The following SMG5 variants were observed in gnomAD, a reference collection of about 807,000 sequenced individuals.
SMG5 encodes the protein SMG5 nonsense mediated mRNA decay factor, also known as nonsense-mediated mRNA decay factor SMG5.
SMG5 carries 53 observed loss-of-function variants against 122.9 expected under a neutral mutation model. The observed-to-expected ratio is 0.43, with a 90% CI of 0.35 to 0.54. The LOEUF (loss-of-function observed/expected upper bound fraction) is 0.54, where lower values mean the gene tolerates loss of function less well. Ranked by LOEUF, SMG5 falls within the 20% of genes least tolerant of loss-of-function variation. The probability of loss-of-function intolerance (pLI) is 0.01; values close to 1 mark genes in which losing one functional copy is unlikely to be tolerated. For missense variants in SMG5, 1,153 were observed against 1,285.6 expected (o/e 0.90, Z 1.58); for synonymous variants, 477 against 490.2 (o/e 0.97, Z 0.35).
At chr1:156,291,416 C>T in the SMG5 span, 2 of 1,614,100 alleles carry the variant, frequency 1.2e-6, no homozygotes, top group Non-Finnish European at 1.7e-6. Flanking sequence ...TGCCGTGGGC[C>T]GCTCCTTCCG....
the SMG5 span, among the ~76,000 whole-genome samples, chr1:156,289,781 ATCCT>A: frequency 3.9e-5 from 6 of 152,326 alleles, no homozygotes; most frequent in Admixed American, 1.3e-4. Flanking sequence ...TTAAGAAGTG[ATCCT>A]TCATATATTA....
the SMG5 span, chr1:156,291,241 T>TTAAA: frequency 3.0e-6 from 2 of 664,436 alleles, no homozygotes; most frequent in South Asian, 1.8e-5. Flanking sequence ...GTTAAGTGCA[T>TTAAA]AAACTTTGGC....
intron 6 of SMG5, 135 bp from the exon 7 acceptor site, chr1:156,272,533 G>A: frequency 1.5e-6 from 1 of 667,410 alleles, no homozygotes; most frequent in Non-Finnish European, 2.6e-6. Flanking sequence ...TGTCTCAGGT[G>A]ATTAGCAGCT....
At chr1:156,259,932 A>C (rs1661744195) in intron 15 of SMG5, among the ~76,000 whole-genome samples, 1 of 152,160 alleles carries the variant, frequency 6.6e-6, no homozygotes, top group Admixed American at 6.6e-5. Context: ...CTCTGGTTGG[A>C]GGGAGCAGCC....
chr1:156,275,250 A>G (rs981191794), intron 4 of SMG5, among the ~76,000 whole-genome samples: 2 of 152,182 alleles, frequency 1.3e-5, no homozygotes, highest in African/African-American at 4.8e-5. Context: ...CAGAGAAGGC[A>G]GCCTACTGGA....
chr1:156,252,890 C>T (rs1255388475), intron 18 of SMG5, 29 bp downstream of exon 18: 2 of 1,525,016 alleles, frequency 1.3e-6, no homozygotes, highest in East Asian at 2.3e-5. Flanking sequence ...TAGTCATACT[C>T]TGTCTCCTTA....
intron 21 of SMG5, 78 bp downstream of exon 21, chr1:156,250,780 T>C (rs901416863): frequency 1.2e-6 from 2 of 1,605,298 alleles, no homozygotes; most frequent in Non-Finnish European, 1.7e-6. Flanking sequence ...GGTAGCTATG[T>C]GGAGGGTCTG....
At position 156,268,288 on chromosome 1, in the gene SMG5, A is replaced by G; in HGVS notation, c.839+2T>C. 1 of 1,614,024 alleles carries G rather than the reference A, an allele frequency of 6.2e-7. No homozygotes were observed. Among genetic ancestry groups the G allele is most frequent in the East Asian group, 2.2e-5 (1 of 44,882 alleles). On this transcript the variant is annotated splice_donor_variant, in intron 8 of 21. Coordinates refer to ENST00000361813, the MANE Select transcript of SMG5 (RefSeq NM_015327.3). LOFTEE classifies it high-confidence loss of function. ...CCCGTCCTCCTCACAGGCCCCACTC[A>G]CCGCTTTTTGCCAGGAGACAGTTTC...
Position 156,265,803 on chromosome 1 carries a change from A to C in SMG5, c.1833T>G (p.Asp611Glu). 1 of 1,614,004 alleles carries C rather than the reference A, an allele frequency of 6.2e-7. No homozygotes were observed. Among genetic ancestry groups the C allele is most frequent in the Non-Finnish European group, 8.5e-7 (1 of 1,179,920 alleles). The change falls in exon 12 of 22, where the codon GAT becomes GAG. Residue 611 changes from aspartate to glutamate, a missense_variant. Around this residue, in one of 5 missense-constraint regions of SMG5, gnomAD observed 631 missense variants for 650.6 expected, o/e 0.97. Coordinates refer to ENST00000361813, the MANE Select transcript of SMG5 (RefSeq NM_015327.3). ...TACCTGGCTCTGAAGGCTTGTCTAC[A>C]TCCCCATTGACGCAAGGCCTGTGGC... is the stretch of plus-strand genomic sequence containing the variant. The part of the protein sequence containing the change: ...SASHRPCVNG[D>E]VDKPSEPASE...
intron 3 of SMG5, 117 bp downstream of exon 3, chr1:156,277,808 A>T: frequency 7.2e-7 from 1 of 1,379,334 alleles, no homozygotes; most frequent in Non-Finnish European, 1.0e-6. Flanking sequence ...CACCGTGCCC[A>T]GCCTCTTACT....
At chr1:156,280,800 T>C (rs1014965585) in intron 1 of SMG5, among the ~76,000 whole-genome samples, 1 of 152,210 alleles carries the variant, frequency 6.6e-6, no homozygotes, top group African/African-American at 2.4e-5. Flanking sequence ...CACTAAACTA[T>C]AATCTCTCTT....
At chr1:156,252,212 T>C (rs1479654797) in intron 19 of SMG5, among the ~76,000 whole-genome samples, 1 of 152,192 alleles carries the variant, frequency 6.6e-6, no homozygotes, top group African/African-American at 2.4e-5. Context: ...CCTGATCCCT[T>C]TGGTCACCCT....
chr1:156,256,310 CTTTTTTTT>C (rs533116327), intron 16 of SMG5, among the ~76,000 whole-genome samples: 1,700 of 86,972 alleles, frequency 0.02, 34 homozygotes, highest in African/African-American at 0.058. Flanking sequence ...CATCTTCTCT[CTTTTTTTT>C]TTTTTTTTTT....
Position 156,274,682 on chromosome 1 carries a change from G to A in SMG5, c.459C>T (p.Cys153=). The part of the protein sequence containing the change: ...WTHVTDPLIG[C]KKPVSASGKE... ...TCCCTGAGGCAGACACTGGCTTCTT[G>A]CATCCTATGAGACAAAGAGAAAGAG... Residue 153 remains cysteine, a synonymous_variant, in exon 5 of 22, where the codon TGC becomes TGT. Coordinates refer to ENST00000361813, the MANE Select transcript of SMG5 (RefSeq NM_015327.3). 1 of 1,613,422 alleles carries A rather than the reference G, an allele frequency of 6.2e-7. No homozygotes were observed. The highest frequency in any genetic ancestry group is 1.3e-5 in the African/African-American group (1 of 75,042).
rs370094259 is a variant in SMG5, at chr1:156,259,544, T to C, written c.2284-381A>G. On this transcript the variant is annotated intron_variant, in intron 15 of 21. Coordinates refer to ENST00000361813, the MANE Select transcript of SMG5 (RefSeq NM_015327.3). ...GATCACATTTTCCAATGTATTATTT[T>C]TTTGAGACAGAATCTCGCTTTGTTA... is the stretch of plus-strand genomic sequence containing the variant. Among the ~76,000 whole-genome samples, 419 of 152,280 alleles carry C rather than the reference T, an allele frequency of 2.8e-3. 2 individuals are homozygous for C. Among genetic ancestry groups the C allele is most frequent in the African/African-American group, 9.7e-3 (403 of 41,536 alleles).
At chr1:156,286,077 G>T, upstream of SMG5, 3 of 1,518,994 alleles carry the variant, frequency 2.0e-6, no homozygotes, top group South Asian at 2.5e-5. Flanking sequence ...CCCTTCACTT[G>T]ACCTGGGCCC....
chr1:156,253,412 C>G (rs754371562), intron 17 of SMG5, 37 bp downstream of exon 17: 146 of 1,607,628 alleles, frequency 9.1e-5, no homozygotes, highest in Middle Eastern at 1.7e-4. Context: ...AAAGCTCTAC[C>G]AAGTGCAGAA....
the SMG5 span, chr1:156,291,466 G>A: frequency 2.5e-6 from 4 of 1,613,736 alleles, no homozygotes; most frequent in South Asian, 3.3e-5. Context: ...CACTGCTGTC[G>A]ATGCTGATGT....
rs1010357165 is a variant in SMG5 at position 156,253,028 on chromosome 1, T to C, written c.2553A>G (p.Ser851=). The C allele has an allele frequency of 1.9e-6, 3 of 1,612,736 alleles. No homozygotes were observed. The African/African-American group carries it at 4.0e-5, about 22-fold the overall frequency. ...EGSLQQPKAQ[S]AMSPYLVPDT... ...CAGGGACGAGGTAGGGAGACATGGC[T>C]GACTGGGCCTTGGGCTGCTGCAGGC... The change falls in exon 18 of 22, where the codon TCA becomes TCG. Residue 851 remains serine, a synonymous_variant. Transcript: ENST00000361813.
Sources: gnomAD v4.1 joint callset for allele counts (sites outside exome capture counted in the v4.1 genomes callset) on GRCh38, gnomAD v4.1.1 for gene constraint, gnomAD v4.1.1 regional missense constraint, MANE v1.5 for transcripts, NCBI Gene and HGNC (gene_info 2026-07-23, HGNC 2026-07-21) for gene names.